The following CCSER1 variants were observed in gnomAD, a reference collection of about 807,000 sequenced individuals.
The protein encoded by CCSER1 is serine-rich coiled-coil domain-containing protein 1.
Under a neutral mutation model 82.0 loss-of-function variants are expected in CCSER1, and 41 were observed. The ratio of observed to expected loss-of-function variants is 0.50; its 90% CI spans 0.39 to 0.65. The LOEUF (loss-of-function observed/expected upper bound fraction) is 0.65. Among genes scored for constraint, CCSER1 ranks in the 30% least tolerant of loss-of-function variants. The pLI, the probability that CCSER1 is intolerant of heterozygous loss-of-function variation, is 0.00. For missense variants in CCSER1, 1,119 were observed against 1,064.2 expected, an observed-to-expected ratio of 1.05 and a Z score of -0.72; for synonymous variants, 414 against 383.9, an observed-to-expected ratio of 1.08 and a Z score of -0.92.
At chr4:90,484,068 G>A (rs553468774) in intron 5 of CCSER1, among the ~76,000 whole-genome samples, 620 of 152,162 alleles carry the variant, frequency 4.1e-3, no homozygotes, top group African/African-American at 0.012. Flanking sequence ...GGCTTTGTTC[G>A]TTTCTTTTTA....
At chr4:90,957,558 ATATT>A (rs2150367445) in intron 9 of CCSER1, among the ~76,000 whole-genome samples, 2 of 113,358 alleles carry the variant, frequency 1.8e-5, no homozygotes, top group African/African-American at 3.3e-5. Flanking sequence ...TATATTATAT[ATATT>A]ATATAATTAT....
At chr4:91,354,927 AT>A (rs1386651558) in intron 10 of CCSER1, among the ~76,000 whole-genome samples, 6 of 152,184 alleles carry the variant, frequency 3.9e-5, no homozygotes, top group Non-Finnish European at 7.3e-5. Flanking sequence ...TGGAGAGCGT[AT>A]TTGAACCTCC....
intron 10 of CCSER1, among the ~76,000 whole-genome samples, chr4:91,450,766 C>T (rs560617770): frequency 3.9e-5 from 6 of 151,960 alleles, no homozygotes; most frequent in South Asian, 2.1e-4. Context: ...GTCTTCAGTT[C>T]GGTACTAATC....
At chr4:90,253,320 T>C (rs1306268393) in intron 1 of CCSER1, among the ~76,000 whole-genome samples, 3 of 152,124 alleles carry the variant, frequency 2.0e-5, no homozygotes, top group Non-Finnish European at 4.4e-5. Context: ...GGGTTTCAAA[T>C]TATTGTTGGG....
At chr4:90,586,779 G>A (rs1226656157) in intron 5 of CCSER1, among the ~76,000 whole-genome samples, 2 of 152,138 alleles carry the variant, frequency 1.3e-5, no homozygotes, top group African/African-American at 2.4e-5. Context: ...TTGTTTATGA[G>A]TAAATTTTAT....
chr4:91,193,104 A>G (rs369094535), intron 10 of CCSER1, among the ~76,000 whole-genome samples: 216 of 152,042 alleles, frequency 1.4e-3, no homozygotes, highest in African/African-American at 5.0e-3. Flanking sequence ...TTTCAACCCT[A>G]CTGCATTTTA....
At chr4:91,489,120 A>T in intron 10 of CCSER1, among the ~76,000 whole-genome samples, 1 of 152,198 alleles carries the variant, frequency 6.6e-6, no homozygotes, top group East Asian at 1.9e-4. Context: ...GTGAGAATAA[A>T]TAGCAAGTGC....
intron 10 of CCSER1, among the ~76,000 whole-genome samples, chr4:91,234,484 C>A (rs1180075730): frequency 1.3e-5 from 2 of 152,094 alleles, no homozygotes; most frequent in African/African-American, 4.8e-5. Context: ...TGTAGAATGA[C>A]CTAAAAGCCA....
intron 5 of CCSER1, among the ~76,000 whole-genome samples, chr4:90,610,702 T>C (rs1785352527): frequency 6.6e-6 from 1 of 152,190 alleles, no homozygotes; most frequent in Non-Finnish European, 1.5e-5. Context: ...ATGATGAACA[T>C]CATATTTTTA....
chr4:91,154,485 C>A (rs897148356), intron 10 of CCSER1, among the ~76,000 whole-genome samples: 10 of 119,964 alleles, frequency 8.3e-5, no homozygotes, highest in African/African-American at 1.3e-4. Flanking sequence ...AATGCGTTGC[C>A]CTGCTCCTGC....
intron 1 of CCSER1, among the ~76,000 whole-genome samples, chr4:90,272,860 G>A (rs143597743): frequency 1.2e-3 from 189 of 152,152 alleles, no homozygotes; most frequent in South Asian, 8.5e-3. Flanking sequence ...AAAATTCGCT[G>A]AGCATGGTGG....
intron 10 of CCSER1, among the ~76,000 whole-genome samples, chr4:91,155,469 G>A (rs187535176): frequency 2.2e-4 from 34 of 151,824 alleles, no homozygotes; most frequent in Admixed American, 9.8e-4. Flanking sequence ...GCATGAGAAC[G>A]GACTAATACA....
At chr4:91,338,332 C>G (rs1747461429) in intron 10 of CCSER1, among the ~76,000 whole-genome samples, 1 of 152,038 alleles carries the variant, frequency 6.6e-6, no homozygotes, top group African/African-American at 2.4e-5. Context: ...TAGCAACATA[C>G]CGTGTAAATC....
intron 1 of CCSER1, among the ~76,000 whole-genome samples, chr4:90,137,606 A>T (rs1402538312): frequency 1.3e-5 from 2 of 152,206 alleles, no homozygotes; most frequent in Admixed American, 1.3e-4. Flanking sequence ...AATGGATGAG[A>T]TATTTTAAAA....
chr4:90,707,919 A>G (rs1226179635), intron 6 of CCSER1, among the ~76,000 whole-genome samples: 3 of 152,172 alleles, frequency 2.0e-5, no homozygotes, highest in Non-Finnish European at 4.4e-5. Flanking sequence ...CTTTCGGTTT[A>G]CAAGCTGCCA....
intron 10 of CCSER1, among the ~76,000 whole-genome samples, chr4:91,252,490 A>T (rs923500126): frequency 9.2e-5 from 14 of 152,370 alleles, no homozygotes; most frequent in Admixed American, 5.2e-4. Context: ...TGTTTGCTAC[A>T]TGATTTCAGA....
At chr4:91,514,135 C>T (rs1462416743) in intron 10 of CCSER1, among the ~76,000 whole-genome samples, 1 of 152,070 alleles carries the variant, frequency 6.6e-6, no homozygotes, top group Non-Finnish European at 1.5e-5. Context: ...GCTGCATCCC[C>T]TAGATTTTGG....
intron 5 of CCSER1, among the ~76,000 whole-genome samples, chr4:90,546,871 A>AT (rs1243977224): frequency 1.3e-5 from 2 of 152,002 alleles, no homozygotes. Context: ...GGTTTACCTT[A>AT]TTTTTTATTC....
intron 10 of CCSER1, among the ~76,000 whole-genome samples, chr4:91,517,404 G>T (rs78277907): frequency 0.034 from 5,241 of 152,188 alleles, 195 homozygotes; most frequent in South Asian, 0.16. Flanking sequence ...TAACATGAAG[G>T]ATGTTGAATT....
Sources: gnomAD v4.1 joint callset for allele counts (sites outside exome capture counted in the v4.1 genomes callset) on GRCh38, gnomAD v4.1.1 for gene constraint, MANE v1.5 for transcripts, NCBI Gene and HGNC (gene_info 2026-07-23, HGNC 2026-07-21) for gene names.